The following CLPB variants were observed in gnomAD, a reference collection of about 807,000 sequenced individuals.
The protein encoded by CLPB is ClpB family mitochondrial disaggregase, also known as mitochondrial disaggregase.
In CLPB, 40 loss-of-function variants were observed where a neutral mutation model predicts 78.4. That is an observed-to-expected ratio of 0.51 (90% CI 0.40 to 0.66). CLPB has a LOEUF of 0.66. Among genes scored for constraint, CLPB ranks in the 30% least tolerant of loss-of-function variants. The pLI is 0.00. For missense variants in CLPB, 780 were observed against 886.9 expected (o/e 0.88, Z 1.53); for synonymous variants, 333 against 348.0 (o/e 0.96, Z 0.48).
intron 7 of CLPB, among the ~76,000 whole-genome samples, chr11:72,310,491 C>T (rs745371273): frequency 5.9e-5 from 9 of 152,120 alleles, no homozygotes; most frequent in Non-Finnish European, 1.2e-4. Context: ...CTTGGCTAAG[C>T]GGGGAGTCCC....
chr11:72,392,851 C>T (rs560950505), intron 3 of CLPB, among the ~76,000 whole-genome samples: 8 of 152,186 alleles, frequency 5.3e-5, no homozygotes, highest in Non-Finnish European at 1.0e-4. Context: ...TCCCCTAAAC[C>T]ACGTTGGCTC....
At chr11:72,427,623 A>G (rs1421822591) in intron 2 of CLPB, among the ~76,000 whole-genome samples, 4 of 152,196 alleles carry the variant, frequency 2.6e-5, no homozygotes, top group African/African-American at 4.8e-5. Flanking sequence ...ATTATGTTAC[A>G]ATTGCCTACA....
At chr11:72,336,737 T>G in intron 5 of CLPB, 1 of 215,044 alleles carries the variant, frequency 4.7e-6, no homozygotes, top group Non-Finnish European at 9.1e-6. Context: ...GGGAAATCCT[T>G]CCCATGATCA....
At chr11:72,295,450 G>A (rs1275324396) in intron 12 of CLPB, 42 bp downstream of exon 12, 1 of 1,598,296 alleles carries the variant, frequency 6.3e-7, no homozygotes, top group South Asian at 1.1e-5. Context: ...ATAGGCTGGT[G>A]GCTTGGTCAC....
intron 5 of CLPB, among the ~76,000 whole-genome samples, chr11:72,340,080 G>A (rs1342324155): frequency 1.3e-5 from 2 of 152,126 alleles, no homozygotes; most frequent in African/African-American, 4.8e-5. Context: ...AGCCAGCAGG[G>A]CTACCCAAGT....
intron 3 of CLPB, among the ~76,000 whole-genome samples, chr11:72,400,579 G>A (rs1855533034): frequency 6.6e-6 from 1 of 152,138 alleles, no homozygotes; most frequent in South Asian, 2.1e-4. Context: ...ACACACAGAA[G>A]GGAACACACC....
At position 72,365,221 on chromosome 11, in the gene CLPB, G is replaced by A. The variant is rs547365610; in HGVS notation, c.647-6213C>T. 2.0e-5 allele frequency among the ~76,000 whole-genome samples: 3 copies of A among 152,274 alleles called. No homozygotes were observed. The South Asian group carries it at 6.2e-4, about 32-fold the overall frequency. Reference sequence around the variant, plus strand: ...GCTTGTGGTCCTAGCAACTCAGGAGGCTGAGATGGAGGATCCCTTAAGCCC... The same window carrying A: ...GCTTGTGGTCCTAGCAACTCAGGAGACTGAGATGGAGGATCCCTTAAGCCC... On this transcript the variant is annotated intron_variant, in intron 4 of 15. Transcript: ENST00000538039.
chr11:72,298,865 A>G (rs1949605685), intron 11 of CLPB, among the ~76,000 whole-genome samples: 1 of 152,092 alleles, frequency 6.6e-6, no homozygotes, highest in South Asian at 2.1e-4. Context: ...GGCTCTGTGT[A>G]TAGCCCTCTT....
chr11:72,314,247 C>T (rs1386084832), intron 7 of CLPB, among the ~76,000 whole-genome samples: 1 of 152,132 alleles, frequency 6.6e-6, no homozygotes, highest in Non-Finnish European at 1.5e-5. Context: ...TCAACCGGGA[C>T]TAGGTGGACG....
At chr11:72,373,150 C>T in intron 4 of CLPB, 1 of 645,176 alleles carries the variant, frequency 1.5e-6, no homozygotes, top group East Asian at 2.7e-5. Flanking sequence ...GCCAACCCAG[C>T]TTCTGCCCCA....
At chr11:72,391,282 G>C (rs1855248312) in intron 3 of CLPB, among the ~76,000 whole-genome samples, 1 of 151,978 alleles carries the variant, frequency 6.6e-6, no homozygotes, top group African/African-American at 2.4e-5. Context: ...TCACCTTCAG[G>C]GCTCCTTGGT....
chr11:72,343,390 A>T (rs1487693058), intron 5 of CLPB, among the ~76,000 whole-genome samples: 1 of 152,216 alleles, frequency 6.6e-6, no homozygotes, highest in East Asian at 1.9e-4. Context: ...CAAATGTTAT[A>T]GGCTACGGTT....
intron 5 of CLPB, among the ~76,000 whole-genome samples, chr11:72,338,077 A>T (rs1950353711): frequency 6.6e-6 from 1 of 152,252 alleles, no homozygotes. Context: ...GACATTCCCC[A>T]TTCCACTGTA....
chr11:72,409,382 G>A (rs1273252736), intron 2 of CLPB, among the ~76,000 whole-genome samples: 8 of 151,986 alleles, frequency 5.3e-5, no homozygotes, highest in Non-Finnish European at 5.9e-5. Context: ...TCAGGAGTTC[G>A]AGACCAGCCC....
At chr11:72,420,328 T>C (rs1338257561) in intron 2 of CLPB, among the ~76,000 whole-genome samples, 2 of 152,164 alleles carry the variant, frequency 1.3e-5, no homozygotes, top group Admixed American at 6.5e-5. Context: ...ACTCCGTCTC[T>C]ACTAAAAATA....
At chr11:72,361,555 CCAGG>C (rs1192422835) in intron 4 of CLPB, among the ~76,000 whole-genome samples, 2 of 152,060 alleles carry the variant, frequency 1.3e-5, no homozygotes, top group African/African-American at 4.8e-5. Flanking sequence ...CAAGCACTGG[CCAGG>C]CAGGCAGGGA....
intron 7 of CLPB, among the ~76,000 whole-genome samples, chr11:72,313,983 A>G (rs962215591): frequency 6.6e-6 from 1 of 152,240 alleles, no homozygotes; most frequent in African/African-American, 2.4e-5. Context: ...GTTAATCACT[A>G]CAACTCCACA....
intron 5 of CLPB, among the ~76,000 whole-genome samples, chr11:72,344,904 T>A (rs1950484135): frequency 6.6e-6 from 1 of 152,128 alleles, no homozygotes; most frequent in African/African-American, 2.4e-5. Flanking sequence ...AAAGGAGATA[T>A]AAAATGACCG....
rs74592787 is a variant in CLPB at position 72,354,915 on chromosome 11, T to C, written c.775+3965A>G. Among the ~76,000 whole-genome samples, 1,408 of 152,224 alleles carry C rather than the reference T, an allele frequency of 9.2e-3. 22 individuals carry two copies. Among genetic ancestry groups the C allele is most frequent in the African/African-American group, 0.033 (1,355 of 41,526 alleles). On this transcript the variant is annotated intron_variant, in intron 5 of 15. Coordinates refer to ENST00000538039, the MANE Select transcript of CLPB (RefSeq NM_001258392.3). ...TCCCCCTGTTCGTCCCCAGAGCCCC[T>C]TGTCCAGGCGCCTGCCAGAGCACCT...
Sources: allele counts gnomAD v4.1 joint callset (sites outside exome capture counted in the v4.1 genomes callset), GRCh38; gene constraint gnomAD v4.1.1; transcripts MANE v1.5; gene names NCBI Gene and HGNC (gene_info 2026-07-23, HGNC 2026-07-21).